The following SEMA5B variants were observed in gnomAD, a reference collection of about 807,000 sequenced individuals.
SEMA5B encodes the protein semaphorin-5B.
Under a neutral mutation model 135.0 loss-of-function variants are expected in SEMA5B, and 66 were observed. The observed-to-expected ratio is 0.49, with a 90% CI of 0.40 to 0.60. The LOEUF (loss-of-function observed/expected upper bound fraction) is 0.60. Among genes scored for constraint, SEMA5B ranks in the 20% least tolerant of loss-of-function variants. SEMA5B has a pLI of 0.00. For synonymous variants in SEMA5B, 690 were observed against 639.5 expected, an observed-to-expected ratio of 1.08 and a Z score of -1.19; for missense variants, 1,501 against 1,566.3, an observed-to-expected ratio of 0.96 and a Z score of 0.70.
At chr3:123,010,086 G>T (rs917298565) in intron 1 of SEMA5B, among the ~76,000 whole-genome samples, 1 of 152,182 alleles carries the variant, frequency 6.6e-6, no homozygotes, top group Non-Finnish European at 1.5e-5. Flanking sequence ...TGATGGTGGG[G>T]CCTGGAGGAC....
At chr3:122,913,718 GA>G (rs1553769403) in intron 15 of SEMA5B, 37 bp from the exon 16 acceptor site, 5 of 1,606,240 alleles carry the variant, frequency 3.1e-6, no homozygotes, top group Non-Finnish European at 3.4e-6. Flanking sequence ...CAGGGAGGGG[GA>G]CCCCCTTCCC....
chr3:122,968,997 G>C (rs1940998833), intron 1 of SEMA5B, among the ~76,000 whole-genome samples: 1 of 152,110 alleles, frequency 6.6e-6, no homozygotes, highest in Non-Finnish European at 1.5e-5. Context: ...CAGATACCAG[G>C]ACTTCTGGTG....
Position 122,914,376 on chromosome 3 carries a change from T to C in SEMA5B, c.1989-375A>G, listed in dbSNP as rs552657041. ...CTGGCTGGTCCCAATCCTTGCACTG[T>C]AACCAACACTCTGTCCCCTGTACTA... On this transcript the variant is annotated intron_variant, in intron 14 of 22. Transcript: ENST00000357599. Among the ~76,000 whole-genome samples the C allele has an allele frequency of 2.0e-5, 3 of 152,180 alleles. No individual in the cohort carries two copies. In the South Asian group the frequency reaches 6.2e-4, roughly 31 times the overall value.
At chr3:122,970,585 A>C (rs1310539488) in intron 1 of SEMA5B, among the ~76,000 whole-genome samples, 1 of 152,244 alleles carries the variant, frequency 6.6e-6, no homozygotes, top group Admixed American at 6.5e-5. Flanking sequence ...GTGTCAGCTC[A>C]AGAGGTAATC....
At chr3:122,996,974 C>T (rs1419666856) in intron 1 of SEMA5B, among the ~76,000 whole-genome samples, 1 of 152,222 alleles carries the variant, frequency 6.6e-6, no homozygotes, top group Non-Finnish European at 1.5e-5. Flanking sequence ...TCTTTACTTG[C>T]CATTCCCACA....
intron 10 of SEMA5B, 93 bp downstream of exon 10, chr3:122,923,524 T>C: frequency 7.0e-7 from 1 of 1,430,988 alleles, no homozygotes; most frequent in Non-Finnish European, 9.7e-7. Flanking sequence ...GTCTGGTGTC[T>C]GTCTGTGCTA....
intron 3 of SEMA5B, among the ~76,000 whole-genome samples, chr3:122,944,640 C>T (rs999720498): frequency 6.6e-6 from 1 of 152,192 alleles, no homozygotes; most frequent in Non-Finnish European, 1.5e-5. Flanking sequence ...AGGTTGTTCC[C>T]AATCAAGGCC....
chr3:122,996,137 G>A (rs984142948), intron 1 of SEMA5B, among the ~76,000 whole-genome samples: 3 of 152,346 alleles, frequency 2.0e-5, no homozygotes, highest in East Asian at 1.9e-4. Context: ...GCTGGAGGGC[G>A]AAGCCTAAGA....
intron 2 of SEMA5B, among the ~76,000 whole-genome samples, chr3:122,952,025 C>T (rs1243098492): frequency 6.6e-6 from 1 of 152,244 alleles, no homozygotes; most frequent in Non-Finnish European, 1.5e-5. Flanking sequence ...CCCCTTCTCC[C>T]CCCACTCCCT....
intron 2 of SEMA5B, among the ~76,000 whole-genome samples, chr3:122,955,403 C>T (rs1399293173): frequency 1.3e-5 from 2 of 152,144 alleles, no homozygotes; most frequent in African/African-American, 2.4e-5. Context: ...TTATTATTAG[C>T]GAATAATACA....
At chr3:122,924,003 T>C (rs9846967) in intron 9 of SEMA5B, among the ~76,000 whole-genome samples, 104,086 of 151,840 alleles carry the variant, frequency 0.69, 37,792 homozygotes, top group Non-Finnish European at 0.83. Flanking sequence ...CCTCCCTTAT[T>C]CGGGGGCGCT....
chr3:122,930,149 A>G (rs1006037142), intron 5 of SEMA5B, among the ~76,000 whole-genome samples: 15 of 152,246 alleles, frequency 9.9e-5, no homozygotes, highest in African/African-American at 2.7e-4. Flanking sequence ...CACTGCCTGC[A>G]GAGCCCCAGA....
intron 10 of SEMA5B, among the ~76,000 whole-genome samples, chr3:122,922,846 T>C (rs2107640677): frequency 6.7e-6 from 1 of 149,774 alleles, no homozygotes; most frequent in East Asian, 1.9e-4. Flanking sequence ...CAGCTCAAAG[T>C]TCTTATGATT....
At chr3:122,966,554 A>ATTTTTTTTTTT (rs1335935235) in intron 1 of SEMA5B, among the ~76,000 whole-genome samples, 7 of 147,070 alleles carry the variant, frequency 4.8e-5, no homozygotes, top group African/African-American at 1.8e-4. Flanking sequence ...TATTATTATT[A>ATTTTTTTTTTT]TTATTATTAT....
rs959444668 is a variant in SEMA5B at position 122,991,921 on chromosome 3, A to T, written c.-38-30620T>A. On this transcript the variant is annotated intron_variant, in intron 1 of 22. Coordinates refer to ENST00000357599, the MANE Select transcript of SEMA5B (RefSeq NM_001031702.4). ...TCGCAGGCATGTTAGGAATTCTAGGAAGATGGGCATCCCTGTGACGGCAAA... is the reference window on the plus strand; with the variant it reads ...TCGCAGGCATGTTAGGAATTCTAGGTAGATGGGCATCCCTGTGACGGCAAA... Among the ~76,000 whole-genome samples, 19 of 152,312 alleles carry T rather than the reference A, an allele frequency of 1.2e-4. 1 individual carries two copies. In the South Asian group the frequency reaches 2.9e-3, roughly 23 times the overall value.
rs1937606662 is a variant in SEMA5B, at chr3:122,909,738, G to A, written c.*405C>T. 6.1e-6 allele frequency: 1 copy of A among 164,440 alleles called. No individual in the cohort carries two copies. Among genetic ancestry groups the A allele is most frequent in the Non-Finnish European group, 1.3e-5 (1 of 76,358 alleles). 10.2% of individuals were successfully genotyped at this position (164,440 alleles called of 1,614,324 possible). ...GTAGCAAAGGCCTTTTTTGGGGCCA[G>A]CTGGAGAAGGCCAGACTCAGCTTGT... is the stretch of plus-strand genomic sequence containing the variant. On this transcript the variant is annotated 3_prime_UTR_variant, in exon 23 of 23. Coordinates refer to ENST00000357599, the MANE Select transcript of SEMA5B (RefSeq NM_001031702.4).
rs1312762234 is a variant in SEMA5B at position 122,912,896 on chromosome 3, G to T, written c.2672C>A (p.Pro891His). 1 of 1,610,770 alleles carries T rather than the reference G, an allele frequency of 6.2e-7. No homozygotes were observed. The highest frequency in any genetic ancestry group is 2.2e-5 in the East Asian group (1 of 44,490). ...TNPEPRNGGL[P>H]CVGDAAEYQD... is the part of the protein sequence containing the mutation. Reference sequence around the variant, plus strand: ...GTACTCGGCAGCATCGCCCACGCAGGGCAGGCCCCCGTTGCGGGGCTCCGG... The same window carrying T: ...GTACTCGGCAGCATCGCCCACGCAGTGCAGGCCCCCGTTGCGGGGCTCCGG... Residue 891 changes from proline (P) to histidine (H), a missense_variant, in exon 18 of 23, where the codon CCC becomes CAC. Pro to His is a moderately conservative substitution (Grantham distance 77). Coordinates refer to ENST00000357599, the MANE Select transcript of SEMA5B (RefSeq NM_001031702.4).
chr3:122,952,896 C>T (rs1308679781), intron 2 of SEMA5B, among the ~76,000 whole-genome samples: 1 of 152,168 alleles, frequency 6.6e-6, no homozygotes, highest in Non-Finnish European at 1.5e-5. Context: ...ATTGCTCCCT[C>T]TGTCCTCCCT....
intron 1 of SEMA5B, among the ~76,000 whole-genome samples, chr3:122,964,542 T>G (rs577558480): frequency 6.6e-6 from 1 of 152,228 alleles, no homozygotes; most frequent in Non-Finnish European, 1.5e-5. Flanking sequence ...GAAATCCCTA[T>G]GTGCACCAAA....
Sources: allele counts gnomAD v4.1 joint callset (sites outside exome capture counted in the v4.1 genomes callset), GRCh38; gene constraint gnomAD v4.1.1; transcripts MANE v1.5; gene names NCBI Gene and HGNC (gene_info 2026-07-23, HGNC 2026-07-21).